FLVCR2: variants seen among roughly 807,000 people sequenced by gnomAD.
FLVCR2 encodes the protein FLVCR choline and putative heme transporter 2.
A neutral mutation model predicts 48.9 loss-of-function variants in FLVCR2; 38 were observed. That is an observed-to-expected ratio of 0.78 (90% CI 0.60 to 1.02). FLVCR2 has a LOEUF of 1.02. FLVCR2 is among the 50% of genes least tolerant of loss of function. FLVCR2 has a pLI of 0.00. For missense variants in FLVCR2, 664 were observed against 663.3 expected (o/e 1.00, Z -0.01); for synonymous variants, 255 against 257.0 (o/e 0.99, Z 0.07).
At chr14:75,591,093 G>T (rs1888866333) in intron 1 of FLVCR2, among the ~76,000 whole-genome samples, 2 of 152,210 alleles carry the variant, frequency 1.3e-5, no homozygotes. Context: ...ACCCAGGCTG[G>T]ACTGCTGTGG....
intron 1 of FLVCR2, among the ~76,000 whole-genome samples, chr14:75,617,080 G>A (rs1889638176): frequency 6.6e-6 from 1 of 152,170 alleles, no homozygotes; most frequent in Non-Finnish European, 1.5e-5. Flanking sequence ...GACAGTGGAT[G>A]GTGGAAGAGG....
rs2140059890 is a variant in FLVCR2, at chr14:75,647,668, C to T, written c.*1196C>T. ...CTCAAGCTGATCTTTCCTATCTAGC[C>T]TGCTGTTTGGCTGTACTCATGGGCT... On this transcript the variant is annotated 3_prime_UTR_variant, in exon 10 of 10. Coordinates refer to ENST00000238667, the MANE Select transcript of FLVCR2 (RefSeq NM_017791.3). The T allele has an allele frequency of 6.5e-6, 1 of 152,770 alleles. No homozygotes were observed. Among genetic ancestry groups the T allele is most frequent in the South Asian group, 2.1e-4 (1 of 4,826 alleles). The allele number at this position is 152,770 out of a possible 1,614,324, so 9.5% of individuals were successfully genotyped here.
chr14:75,624,047 G>A (rs767699401), intron 2 of FLVCR2, among the ~76,000 whole-genome samples: 10 of 150,780 alleles, frequency 6.6e-5, no homozygotes, highest in African/African-American at 1.2e-4. Context: ...GCGAGACTTC[G>A]TCTCAAAAAA....
At chr14:75,623,530 G>C (rs1889815131) in intron 2 of FLVCR2, among the ~76,000 whole-genome samples, 1 of 152,026 alleles carries the variant, frequency 6.6e-6, no homozygotes, top group Non-Finnish European at 1.5e-5. Context: ...CCCACCTCCA[G>C]AGTCAAGCAG....
chr14:75,591,158 C>G (rs1888867359), intron 1 of FLVCR2, among the ~76,000 whole-genome samples: 1 of 152,234 alleles, frequency 6.6e-6, no homozygotes, highest in African/African-American at 2.4e-5. Context: ...ATCCTCCCAC[C>G]TCAGCCTGCC....
intron 1 of FLVCR2, 31 bp downstream of exon 1, chr14:75,579,672 G>A (rs1463685869): frequency 6.2e-7 from 1 of 1,611,840 alleles, no homozygotes; most frequent in Non-Finnish European, 8.5e-7. Context: ...ATGTTCCCAG[G>A]GGCGTGTGTT....
chr14:75,584,982 C>T (rs904311782), intron 1 of FLVCR2, among the ~76,000 whole-genome samples: 2 of 151,888 alleles, frequency 1.3e-5, no homozygotes, highest in African/African-American at 4.8e-5. Flanking sequence ...AGTCGCTGAA[C>T]GAAAACTGTA....
rs547105675 is a variant in FLVCR2, at chr14:75,583,036, G to A, written c.669+3395G>A. Among the ~76,000 whole-genome samples, 5 of 152,302 alleles carry A rather than the reference G, an allele frequency of 3.3e-5. No individual in the cohort carries two copies. In the East Asian group the frequency reaches 9.6e-4, roughly 29 times the overall value. On this transcript the variant is annotated intron_variant, in intron 1 of 9. Transcript: ENST00000238667. ...ATGGGCGCTGTCCTTGAAGCCTTGT[G>A]GCAGTACAGCCCAGATAAGTTGCTG... is the stretch of plus-strand genomic sequence containing the variant.
chr14:75,645,611 C>A (rs186702919), intron 9 of FLVCR2, among the ~76,000 whole-genome samples: 38 of 152,304 alleles, frequency 2.5e-4, no homozygotes, highest in Admixed American at 1.6e-3. Flanking sequence ...GCATCTACTG[C>A]ATGTTCATTA....
At chr14:75,637,509 G>A (rs975998656) in intron 5 of FLVCR2, among the ~76,000 whole-genome samples, 1 of 152,218 alleles carries the variant, frequency 6.6e-6, no homozygotes, top group Non-Finnish European at 1.5e-5. Context: ...GGCAGATCAT[G>A]AGGTCAGGAG....
chr14:75,595,735 A>T (rs1889002347), intron 1 of FLVCR2: 1 of 628,768 alleles, frequency 1.6e-6, no homozygotes, highest in African/African-American at 1.8e-5. Context: ...TTTTCACATG[A>T]AAGTGTTTAG....
At chr14:75,631,953 A>G in intron 3 of FLVCR2, 1 of 420,060 alleles carries the variant, frequency 2.4e-6, no homozygotes, top group East Asian at 7.0e-5. Flanking sequence ...TGGTTGGCCC[A>G]CTGTGGCTCA....
intron 1 of FLVCR2, among the ~76,000 whole-genome samples, chr14:75,613,886 C>T (rs1051963839): frequency 9.2e-5 from 14 of 152,192 alleles, no homozygotes; most frequent in African/African-American, 3.4e-4. Flanking sequence ...CATCCAAACC[C>T]ATCATGCCCC....
rs1889422526 is a variant in FLVCR2 at position 75,610,765 on chromosome 14, G to A, written c.670-11314G>A. On this transcript the variant is annotated intron_variant, in intron 1 of 9. Transcript: ENST00000238667. The stretch of plus-strand genomic sequence containing the variant: ...GTGAGAAGTTGATTGGTCTGCATTC[G>A]AATCCCCTCCATGCCTGATCTTGGG... Among the ~76,000 whole-genome samples the A allele has an allele frequency of 2.0e-5, 3 of 152,288 alleles. No homozygotes were observed. In the South Asian group the frequency reaches 6.2e-4, roughly 32 times the overall value.
At chr14:75,586,797 C>T (rs1014591948) in intron 1 of FLVCR2, among the ~76,000 whole-genome samples, 2 of 151,894 alleles carry the variant, frequency 1.3e-5, no homozygotes, top group African/African-American at 2.4e-5. Context: ...TTCTTCCTTT[C>T]GACAAGCATT....
At chr14:75,614,454 C>T (rs11851639) in intron 1 of FLVCR2, among the ~76,000 whole-genome samples, 2,496 of 152,232 alleles carry the variant, frequency 0.016, 68 homozygotes, top group African/African-American at 0.057. Context: ...GGCAATCACG[C>T]CTAGTGAGGA....
chr14:75,594,105 G>A (rs931852784), intron 1 of FLVCR2, among the ~76,000 whole-genome samples: 1 of 152,190 alleles, frequency 6.6e-6, no homozygotes, highest in African/African-American at 2.4e-5. Context: ...ATTCTGCCAA[G>A]TTCTTTGCAA....
At chr14:75,631,152 T>C (rs952266995) in intron 3 of FLVCR2, among the ~76,000 whole-genome samples, 2 of 152,174 alleles carry the variant, frequency 1.3e-5, no homozygotes, top group African/African-American at 4.8e-5. Context: ...GTGGAACAGA[T>C]TGGCAGCCCT....
intron 1 of FLVCR2, among the ~76,000 whole-genome samples, chr14:75,591,459 A>G (rs1344158966): frequency 1.3e-5 from 2 of 152,204 alleles, no homozygotes; most frequent in African/African-American, 2.4e-5. Context: ...CCCTTTCCCC[A>G]TGGCTTTGCT....
Sources: gnomAD v4.1 joint callset for allele counts (sites outside exome capture counted in the v4.1 genomes callset) on GRCh38, gnomAD v4.1.1 for gene constraint, MANE v1.5 for transcripts, NCBI Gene and HGNC (gene_info 2026-07-23, HGNC 2026-07-21) for gene names.